Variants in PRELID2 observed in about 807,000 individuals in gnomAD.
The protein encoded by PRELID2 is PRELI domain-containing protein 2.
Under a neutral mutation model 28.4 loss-of-function variants are expected in PRELID2, and 25 were observed. The ratio of observed to expected loss-of-function variants is 0.88; its 90% CI spans 0.64 to 1.23. The LOEUF (loss-of-function observed/expected upper bound fraction) is 1.23, where lower values mean the gene tolerates loss of function less well. PRELID2 is among the 50% of genes most tolerant of loss of function. The pLI is 0.00. For missense variants in PRELID2, 201 were observed against 214.4 expected, an observed-to-expected ratio of 0.94 and a Z score of 0.39; for synonymous variants, 76 against 71.6, an observed-to-expected ratio of 1.06 and a Z score of -0.31.
chr5:145,820,560 T>C (rs1478791271), intron 2 of PRELID2, among the ~76,000 whole-genome samples: 1 of 152,128 alleles, frequency 6.6e-6, no homozygotes, highest in Non-Finnish European at 1.5e-5. Flanking sequence ...CAAGCACAGA[T>C]TTCTGGCTGC....
At chr5:145,379,181 G>A in the PRELID2 span, among the ~76,000 whole-genome samples, 3 of 152,122 alleles carry the variant, frequency 2.0e-5, no homozygotes, top group Admixed American at 6.5e-5. Flanking sequence ...CTTAATGATA[G>A]GAATCCACTT....
chr5:145,635,269 A>T (rs1272815574), intron 1 of PRELID2, among the ~76,000 whole-genome samples: 2 of 152,204 alleles, frequency 1.3e-5, no homozygotes, highest in Non-Finnish European at 2.9e-5. Flanking sequence ...CACAGAATCT[A>T]AAATGGGTTT....
At chr5:145,230,239 G>A in the PRELID2 span, among the ~76,000 whole-genome samples, 1 of 152,082 alleles carries the variant, frequency 6.6e-6, no homozygotes, top group Non-Finnish European at 1.5e-5. Context: ...GGAAGGGAAG[G>A]GTGTGGGGAA....
intron 1 of PRELID2, among the ~76,000 whole-genome samples, chr5:145,668,232 G>A (rs1754635374): frequency 6.6e-6 from 1 of 151,926 alleles, no homozygotes; most frequent in South Asian, 2.1e-4. Context: ...AAAAGACAGG[G>A]AGGCCACAGC....
the PRELID2 span, among the ~76,000 whole-genome samples, chr5:145,458,809 G>T: frequency 6.6e-6 from 1 of 151,902 alleles, no homozygotes; most frequent in Non-Finnish European, 1.5e-5. Flanking sequence ...TCTACAATGG[G>T]CATTTGTTTC....
chr5:145,451,068 A>G, the PRELID2 span: 2 of 152,150 alleles, frequency 1.3e-5, no homozygotes, highest in African/African-American at 4.8e-5. Flanking sequence ...ACATCTTATA[A>G]TCATTTCTTA....
chr5:145,827,587 C>G lies in PRELID2; in HGVS notation c.76-4453G>C, dbSNP rs139848374. ...AAAGGCCAACCAACAGCACATCAGC[C>G]TCTTTCTTTCAAAAATGACCCAATA... is the stretch of plus-strand genomic sequence containing the variant. On this transcript the variant is annotated intron_variant, in intron 1 of 6. Coordinates refer to ENST00000683046, the MANE Select transcript of PRELID2 (RefSeq NM_205846.3). 2.1e-4 allele frequency among the ~76,000 whole-genome samples: 32 copies of G among 152,248 alleles called. No individual in the cohort carries two copies. The East Asian group carries it at 5.6e-3, about 27-fold the overall frequency.
At chr5:145,468,888 T>G (rs1424109669), downstream of PRELID2, among the ~76,000 whole-genome samples, 1 of 152,208 alleles carries the variant, frequency 6.6e-6, no homozygotes, top group East Asian at 1.9e-4. Flanking sequence ...TGATGGTAGT[T>G]TCTTTTGCTG....
intron 1 of PRELID2, among the ~76,000 whole-genome samples, chr5:145,608,758 T>A (rs575546470): frequency 5.9e-5 from 9 of 152,310 alleles, no homozygotes; most frequent in Admixed American, 4.6e-4. Context: ...AGGGGTTATC[T>A]GCATTTCCTG....
intron 1 of PRELID2, among the ~76,000 whole-genome samples, chr5:145,738,355 C>A (rs994858235): frequency 6.6e-6 from 1 of 152,010 alleles, no homozygotes; most frequent in Non-Finnish European, 1.5e-5. Context: ...GCAATGGATG[C>A]CAACATTAAG....
chr5:145,406,298 T>C, the PRELID2 span, among the ~76,000 whole-genome samples: 23 of 152,340 alleles, frequency 1.5e-4, no homozygotes, highest in African/African-American at 5.3e-4. Context: ...GTTAGTCTTT[T>C]ACCCTTCTAC....
intron 1 of PRELID2, among the ~76,000 whole-genome samples, chr5:145,742,373 C>T (rs1313426020): frequency 1.9e-4 from 25 of 130,562 alleles, no homozygotes; most frequent in Non-Finnish European, 3.8e-4. Context: ...CAAAGCTCAA[C>T]AAATTTAAAG....
the PRELID2 span, among the ~76,000 whole-genome samples, chr5:145,428,551 T>G: frequency 6.6e-6 from 1 of 151,616 alleles, no homozygotes; most frequent in East Asian, 1.9e-4. Flanking sequence ...AGTTGTGGGG[T>G]GGGGGCAGGG....
intron 1 of PRELID2, among the ~76,000 whole-genome samples, chr5:145,726,716 A>G (rs982361866): frequency 2.0e-5 from 3 of 152,214 alleles, no homozygotes; most frequent in Admixed American, 1.3e-4. Flanking sequence ...ATTGCCTTGC[A>G]TCAGTTCCCT....
intron 1 of PRELID2, among the ~76,000 whole-genome samples, chr5:145,713,373 T>TATATATATATATATATATATATA (rs1561554129): frequency 7.1e-6 from 1 of 141,494 alleles, no homozygotes; most frequent in African/African-American, 2.6e-5. Context: ...TATATATACT[T>TATATATATATATATATATATATA]TACATTATAT....
chr5:145,592,473 T>TAC (rs35879187), intron 1 of PRELID2, among the ~76,000 whole-genome samples: 1,675 of 149,488 alleles, frequency 0.011, 12 homozygotes, highest in African/African-American at 0.017. Flanking sequence ...CACACATACA[T>TAC]ACACACACAC....
downstream of PRELID2, among the ~76,000 whole-genome samples, chr5:145,753,965 C>A (rs933338135): frequency 6.6e-6 from 1 of 152,116 alleles, no homozygotes. Flanking sequence ...TTGAGGTTCT[C>A]GGGCTCGCAG....
chr5:145,689,022 A>C (rs1378088383), intron 1 of PRELID2, among the ~76,000 whole-genome samples: 1 of 152,246 alleles, frequency 6.6e-6, no homozygotes, highest in Non-Finnish European at 1.5e-5. Flanking sequence ...AGATACTGAG[A>C]TATCATAAGC....
the PRELID2 span, among the ~76,000 whole-genome samples, chr5:145,385,663 A>G: frequency 6.6e-6 from 1 of 152,202 alleles, no homozygotes; most frequent in Non-Finnish European, 1.5e-5. Context: ...CTTTTGGCCT[A>G]TAAGTACAGA....
Sources: gnomAD v4.1 joint callset for allele counts (sites outside exome capture counted in the v4.1 genomes callset) on GRCh38, gnomAD v4.1.1 for gene constraint, MANE v1.5 for transcripts, NCBI Gene and HGNC (gene_info 2026-07-23, HGNC 2026-07-21) for gene names.